The following DHRS4 variants were observed in gnomAD, a reference collection of about 807,000 sequenced individuals.
The protein encoded by DHRS4 is dehydrogenase/reductase 4.
A neutral mutation model predicts 28.4 loss-of-function variants in DHRS4; 20 were observed. The observed-to-expected ratio is 0.71, with a 90% CI of 0.50 to 1.02. DHRS4 has a LOEUF of 1.02. Among genes scored for constraint, DHRS4 ranks in the 50% least tolerant of loss-of-function variants. The probability of loss-of-function intolerance (pLI) is 0.00; values close to 1 mark genes in which losing one functional copy is unlikely to be tolerated. For missense variants in DHRS4, 378 were observed against 367.2 expected (o/e 1.03, Z -0.24); for synonymous variants, 144 against 146.4 (o/e 0.98, Z 0.12).
intron 2 of DHRS4, among the ~76,000 whole-genome samples, chr14:23,959,441 C>T (rs1480546142): frequency 1.6e-4 from 24 of 152,034 alleles, no homozygotes; most frequent in African/African-American, 3.4e-4. Flanking sequence ...ACTTGTAGTC[C>T]CAACTACTTG....
chr14:23,954,123 A>C, intron 1 of DHRS4: 1 of 729,106 alleles, frequency 1.4e-6, no homozygotes. Context: ...TGTCCCTGCT[A>C]CCTCTGGCAC....
rs376187061 is a variant in DHRS4, at chr14:23,966,268, C to G, written c.532-15C>G. 8 of 1,608,330 alleles carry G rather than the reference C, an allele frequency of 5.0e-6. No individual in the cohort carries two copies. The highest frequency in any genetic ancestry group is 6.8e-6 in the Non-Finnish European group (8 of 1,177,272). On this transcript the variant is annotated splice_polypyrimidine_tract_variant and intron_variant, in intron 5 of 7. Transcript: ENST00000313250. ...CTGGAAACTATGAGTCTAACACATT[C>G]TCTTCTTTCTCCAGGGCTTCAGTCC...
At position 23,965,782 on chromosome 14, in the gene DHRS4, G is replaced by T; in HGVS notation, c.429G>T (p.Lys143Asn). The change falls in exon 4 of 8, where the codon AAG (lysine) becomes AAT (asparagine). Residue 143 changes from lysine to asparagine, a missense_variant. Physicochemically the swap from Lys to Asn is moderately conservative, Grantham distance 94. Transcript: ENST00000313250. ...TTCAGACTCTGGACATTAATGTGAA[G>T]GCCCCAGCCCTGATGACAAAGGCAG... ...VWDKTLDINV[K>N]APALMTKAVV... 6.2e-7 allele frequency: 1 copy of T among 1,604,770 alleles called. No homozygotes were observed. The highest frequency in any genetic ancestry group is 8.5e-7 in the Non-Finnish European group (1 of 1,174,770).
At position 23,953,794 on chromosome 14, in the gene DHRS4, C is replaced by T. The variant is rs745707317; in HGVS notation, c.6C>T (p.His2=). 1 of 1,614,070 alleles carries T rather than the reference C, an allele frequency of 6.2e-7. No homozygotes were observed. Among genetic ancestry groups the T allele is most frequent in the South Asian group, 1.1e-5 (1 of 91,086 alleles). M[H]KAGLLGLCAR... is the part of the protein sequence containing the mutation. ...CATACTTGCTGGTCTGATCCATGCA[C>T]AAGGCGGGGCTGCTAGGCCTCTGTG... is the stretch of plus-strand genomic sequence containing the variant. Residue 2 remains histidine (H), a synonymous_variant, in exon 1 of 8, where the codon CAC becomes CAT. Transcript: ENST00000313250.
In DHRS4 at chr14:23,953,865, G is replaced by A. The variant is rs61750885; in HGVS notation, c.77G>A (p.Arg26His). ...SVRMASSGMT[R>H]RDPLANKVAL... The stretch of plus-strand genomic sequence containing the variant: ...CGGATGGCCAGCTCCGGGATGACCC[G>A]CCGGGACCCGCTCGCAAATAAGGTG... Residue 26 changes from arginine to histidine, a missense_variant, in exon 1 of 8, where the codon CGC becomes CAC. Coordinates refer to ENST00000313250, the MANE Select transcript of DHRS4 (RefSeq NM_021004.4). The A allele has an allele frequency of 4.7e-3, 7,651 of 1,612,520 alleles. 284 individuals are homozygous for A. In the African/African-American group the frequency reaches 0.084, roughly 18 times the overall value.
chr14:23,955,300 C>T (rs1340769349), intron 2 of DHRS4, 88 bp downstream of exon 2: 17 of 1,478,574 alleles, frequency 1.1e-5, no homozygotes, highest in African/African-American at 2.8e-5. Context: ...GACAGCAGCA[C>T]ATTTTTACTG....
At chr14:23,955,769 G>A (rs1330595083) in intron 2 of DHRS4, among the ~76,000 whole-genome samples, 41 of 152,280 alleles carry the variant, frequency 2.7e-4, no homozygotes, top group Middle Eastern at 3.4e-3. Flanking sequence ...AGACCTCCCA[G>A]GCTCCCTTCC....
chr14:23,963,325 T>G (rs1421020121), intron 3 of DHRS4, among the ~76,000 whole-genome samples: 2 of 123,170 alleles, frequency 1.6e-5, no homozygotes, highest in Non-Finnish European at 3.2e-5. Context: ...ACTAGAAGGT[T>G]GTTTCATCTA....
intron 5 of DHRS4, 76 bp from the exon 6 acceptor site, chr14:23,966,207 T>C: frequency 6.3e-7 from 1 of 1,580,448 alleles, no homozygotes; most frequent in Non-Finnish European, 8.6e-7. Flanking sequence ...TATTGAGCAC[T>C]GCCCTCTATG....
intron 2 of DHRS4, among the ~76,000 whole-genome samples, chr14:23,956,209 A>G (rs1483322839): frequency 9.8e-5 from 15 of 152,344 alleles, no homozygotes; most frequent in Non-Finnish European, 1.8e-4. Flanking sequence ...GCTTAGGCTG[A>G]TGGACAGACC....
chr14:23,960,760 G>C (rs1034160894), intron 3 of DHRS4, among the ~76,000 whole-genome samples: 1 of 152,048 alleles, frequency 6.6e-6, no homozygotes, highest in Non-Finnish European at 1.5e-5. Context: ...CACTGATGTT[G>C]TATTAGTCTG....
chr14:23,962,539 A>C (rs1326103898), intron 3 of DHRS4, among the ~76,000 whole-genome samples: 1 of 151,858 alleles, frequency 6.6e-6, no homozygotes, highest in Non-Finnish European at 1.5e-5. Flanking sequence ...TCAGCCATCT[A>C]CATTTTATCG....
At chr14:23,967,170 A>G in intron 6 of DHRS4, 41 bp from the exon 7 acceptor site, 2 of 1,572,762 alleles carry the variant, frequency 1.3e-6, no homozygotes, top group Non-Finnish European at 1.7e-6. Context: ...GAAAAAGAAA[A>G]AGAAAAAAAA....
rs1283430649 is a variant in DHRS4, at chr14:23,969,083, C to T, written c.*212C>T. ...TTGTGGCCTTGGGTAAAGGCCTCCCCTGAGAACACAGGACAGGCCTGCTGA... is the reference window on the plus strand; with the variant it reads ...TTGTGGCCTTGGGTAAAGGCCTCCCTTGAGAACACAGGACAGGCCTGCTGA... On this transcript the variant is annotated 3_prime_UTR_variant, in exon 8 of 8. Transcript: ENST00000313250. 1.2e-6 allele frequency: 1 copy of T among 843,520 alleles called. No individual in the cohort carries two copies. Among genetic ancestry groups the T allele is most frequent in the East Asian group, 2.9e-5 (1 of 34,886 alleles). 52.3% of individuals were successfully genotyped at this position (843,520 alleles called of 1,614,324 possible).
In DHRS4 at chr14:23,968,654, A is replaced by T. The variant is rs113972887; in HGVS notation, c.723-103A>T. 8.5e-4 allele frequency: 1,316 copies of T among 1,544,186 alleles called. 8 individuals are homozygous for T. The African/African-American group carries it at 0.015, about 18-fold the overall frequency. ...CTTGTACACTGACCCTGAAAAAGCC[A>T]TCTGATAATTCTTGATTAAGCAAAT... is the stretch of plus-strand genomic sequence containing the variant. On this transcript the variant is annotated intron_variant, in intron 7 of 7. Transcript: ENST00000313250.
At position 23,953,912 on chromosome 14, in the gene DHRS4, G is replaced by T. The variant is rs774758146; in HGVS notation, c.124G>T (p.Asp42Tyr). Residue 42 changes from aspartate (D) to tyrosine (Y), a missense_variant, in exon 1 of 8, where the codon GAC (aspartate) becomes TAC (tyrosine). By Grantham distance (160) the Asp-to-Tyr change is radical (BLOSUM62 -3). Transcript: ENST00000313250. ...NKVALVTAST[D>Y]GIGFAIARRL... ...GGTGGCCCTGGTAACGGCCTCCACCGACGGGTGAGTGCTCCGGCCGGAGTT... is the reference window on the plus strand; with the variant it reads ...GGTGGCCCTGGTAACGGCCTCCACCTACGGGTGAGTGCTCCGGCCGGAGTT... The T allele has an allele frequency of 1.3e-6, 2 of 1,589,012 alleles. No homozygotes were observed. The highest frequency in any genetic ancestry group is 1.1e-5 in the South Asian group (1 of 88,652).
At chr14:23,966,926 C>A (rs549679038) in intron 6 of DHRS4, among the ~76,000 whole-genome samples, 1 of 152,204 alleles carries the variant, frequency 6.6e-6, no homozygotes, top group African/African-American at 2.4e-5. Flanking sequence ...GAGGCCGAGG[C>A]GGGCAGATCA....
At chr14:23,954,075 G>T in intron 1 of DHRS4, 159 bp downstream of exon 1, 2 of 1,198,174 alleles carry the variant, frequency 1.7e-6, no homozygotes, top group South Asian at 3.0e-5. Flanking sequence ...AAGCCACTCC[G>T]AATCCCCTAG....
chr14:23,962,451 A>G (rs1678569347), intron 3 of DHRS4, among the ~76,000 whole-genome samples: 1 of 151,102 alleles, frequency 6.6e-6, no homozygotes, highest in African/African-American at 2.4e-5. Context: ...GATTTCAACA[A>G]TATTCATGGC....
Sources: allele counts gnomAD v4.1 joint callset (sites outside exome capture counted in the v4.1 genomes callset), GRCh38; gene constraint gnomAD v4.1.1; transcripts MANE v1.5; gene names NCBI Gene and HGNC (gene_info 2026-07-23, HGNC 2026-07-21).